Variants in UBE2O observed in about 807,000 individuals in gnomAD.
UBE2O encodes the protein (E3-independent) E2 ubiquitin-conjugating enzyme.
In UBE2O, 15 loss-of-function variants were observed where a neutral mutation model predicts 125.8. That is an observed-to-expected ratio of 0.12 (90% CI 0.08 to 0.18). The LOEUF (loss-of-function observed/expected upper bound fraction) is 0.18. Among genes scored for constraint, UBE2O ranks in the 10% least tolerant of loss-of-function variants. The probability of loss-of-function intolerance (pLI) is 1.00; values close to 1 mark genes in which losing one functional copy is unlikely to be tolerated. For synonymous variants in UBE2O, 708 were observed against 703.2 expected (o/e 1.01, Z -0.11); for missense variants, 1,280 against 1,723.6 (o/e 0.74, Z 4.56).
At chr17:76,397,059 T>C (rs2072223737) in intron 13 of UBE2O, among the ~76,000 whole-genome samples, 1 of 152,142 alleles carries the variant, frequency 6.6e-6, no homozygotes, top group South Asian at 2.1e-4. Context: ...CAGCCAGTGG[T>C]CTGTTCCAGC....
chr17:76,416,545 C>T (rs1466333004), intron 1 of UBE2O, among the ~76,000 whole-genome samples: 1 of 152,156 alleles, frequency 6.6e-6, no homozygotes, highest in African/African-American at 2.4e-5. Context: ...TGGGGCAGGG[C>T]CTGCTCTCAG....
chr17:76,399,534 T>C lies in UBE2O; in HGVS notation c.1543A>G (p.Ser515Gly). The change falls in exon 9 of 18, where the codon AGC becomes GGC. Residue 515 changes from serine (S) to glycine (G), a missense_variant. By Grantham distance (56) the Ser-to-Gly change is moderately conservative (BLOSUM62 0). Transcript: ENST00000319380. This position sits in a 1 kb window ranked among gnomAD's most constrained non-coding sequence, Gnocchi z 6.9. ...QSGSGTSRKK[S>G]IPLSIKNLKR... Reference sequence around the variant, plus strand: ...AAGTTCTTGATGGACAAGGGGATGCTCTTTTTGCGACTCGTGCCGCTGCCG... The same window carrying C: ...AAGTTCTTGATGGACAAGGGGATGCCCTTTTTGCGACTCGTGCCGCTGCCG... The C allele has an allele frequency of 1.2e-6, 2 of 1,614,218 alleles. No individual in the cohort carries two copies. The highest frequency in any genetic ancestry group is 1.1e-5 in the South Asian group (1 of 91,088).
intron 1 of UBE2O, among the ~76,000 whole-genome samples, chr17:76,414,817 A>T (rs1439800317): frequency 6.6e-6 from 1 of 152,144 alleles, no homozygotes; most frequent in Admixed American, 6.5e-5. Flanking sequence ...TGGCGGCAGG[A>T]GCTGGGAGCC....
chr17:76,452,708 GC>G lies in UBE2O; in HGVS notation c.417+16del, dbSNP rs1230482701. 2.2e-6 allele frequency: 3 copies of G among 1,374,592 alleles called. No homozygotes were observed. The highest frequency in any genetic ancestry group is 3.6e-5 in the Admixed American group (1 of 27,650). The allele number at this position is 1,374,592 out of a possible 1,614,324, so 85.1% of individuals were successfully genotyped here. On this transcript the variant is annotated intron_variant, in intron 1 of 17. Coordinates refer to ENST00000319380, the MANE Select transcript of UBE2O (RefSeq NM_022066.4). This position sits in a 1 kb window ranked among gnomAD's most constrained non-coding sequence, Gnocchi z 4.4. ...GACCCCCTGCCGCCCGCGCCGCCCA[GC>G]CCCCGCCCGCCGCACCTTGGTCTCC... is the stretch of plus-strand genomic sequence containing the variant.
In UBE2O at chr17:76,453,055, G is replaced by A. The variant is rs2073285904; in HGVS notation, c.87C>T (p.Ala29=). The stretch of plus-strand genomic sequence containing the variant: ...GCGCCGGCGCCGGGACGGGGGCTGC[G>A]GCTGGGGCCGGGACTGCCTCCGGGG... ...APAPEAVPAP[A]AAPVPAPAPA... Residue 29 remains alanine (A), a synonymous_variant, in exon 1 of 18, where the codon GCC becomes GCT. Coordinates refer to ENST00000319380, the MANE Select transcript of UBE2O (RefSeq NM_022066.4). The A allele has an allele frequency of 2.2e-6, 3 of 1,372,326 alleles. No homozygotes were observed. The highest frequency in any genetic ancestry group is 2.9e-6 in the Non-Finnish European group (3 of 1,051,480). The allele number at this position is 1,372,326 out of a possible 1,614,324, so 85.0% of individuals were successfully genotyped here. A position where few individuals can be genotyped will look rare whatever the true frequency, so the allele number is the denominator to read the frequency against.
At chr17:76,415,043 G>T (rs1199898762) in intron 1 of UBE2O, among the ~76,000 whole-genome samples, 1 of 152,170 alleles carries the variant, frequency 6.6e-6, no homozygotes, top group African/African-American at 2.4e-5. Context: ...GCCTGACTGG[G>T]TATCACTACC....
chr17:76,404,474 C>T lies in UBE2O; in HGVS notation c.588+732G>A, dbSNP rs541769973. On this transcript the variant is annotated intron_variant, in intron 3 of 17. Transcript: ENST00000319380. This position sits in a 1 kb window ranked among gnomAD's most constrained non-coding sequence, Gnocchi z 4.3. ...TGGAAGACAAAGAAAGGCTGGGAAG[C>T]GATTCCAGATTGGAGAGAAAATGAA... Among the ~76,000 whole-genome samples the T allele has an allele frequency of 3.8e-4, 58 of 152,274 alleles. No individual in the cohort carries two copies. Among genetic ancestry groups the T allele is most frequent in the Non-Finnish European group, 7.2e-4 (49 of 68,028 alleles).
chr17:76,392,400 G>A (rs1053274076), intron 15 of UBE2O, among the ~76,000 whole-genome samples: 1 of 151,970 alleles, frequency 6.6e-6, no homozygotes, highest in Non-Finnish European at 1.5e-5. Flanking sequence ...CAAGTAGCCG[G>A]GACTACAGTG....
In UBE2O at chr17:76,416,103, G is replaced by A. The variant is rs148045392; in HGVS notation, c.418-10531C>T. On this transcript the variant is annotated intron_variant, in intron 1 of 17. Coordinates refer to ENST00000319380, the MANE Select transcript of UBE2O (RefSeq NM_022066.4). The stretch of plus-strand genomic sequence containing the variant: ...TACATATGTACATACATGTATATGC[G>A]TATGTGTATACATATATACATATAT... 7.5e-3 allele frequency among the ~76,000 whole-genome samples: 1,138 copies of A among 151,260 alleles called. 17 individuals are homozygous for A. The highest frequency in any genetic ancestry group is 0.042 in the South Asian group (200 of 4,804).
rs373403612 is a variant in UBE2O, at chr17:76,424,266, T to C, written c.418-18694A>G. Among the ~76,000 whole-genome samples the C allele has an allele frequency of 2.9e-5, 4 of 136,164 alleles. No individual in the cohort carries two copies. The South Asian group carries it at 1.0e-3, about 35-fold the overall frequency. 89.3% of individuals were successfully genotyped at this position (136,164 alleles called of 152,430 possible). On this transcript the variant is annotated intron_variant, in intron 1 of 17. Coordinates refer to ENST00000319380, the MANE Select transcript of UBE2O (RefSeq NM_022066.4). ...TTTTGTTGCCCAGCCTGGAGTGCAA[T>C]GGCACAACCTAGGCTCACTGCAACC...
rs1257053587 is a variant in UBE2O, at chr17:76,412,546, C to T, written c.418-6974G>A. ...CAGGGGCTCCTAACCAGCCTCTCTC[C>T]CTCCCCTCCTGTCTCAGCTGAGGCC... is the stretch of plus-strand genomic sequence containing the variant. On this transcript the variant is annotated intron_variant, in intron 1 of 17. Transcript: ENST00000319380. Among the ~76,000 whole-genome samples the T allele has an allele frequency of 3.3e-5, 5 of 152,204 alleles. No individual in the cohort carries two copies. In the East Asian group the frequency reaches 7.7e-4, roughly 24 times the overall value.
In UBE2O at chr17:76,405,007, G is replaced by A. The variant is rs376589354; in HGVS notation, c.588+199C>T. 5.9e-5 allele frequency among the ~76,000 whole-genome samples: 9 copies of A among 152,294 alleles called. No homozygotes were observed. The highest frequency in any genetic ancestry group is 5.8e-4 in the East Asian group (3 of 5,180). On this transcript the variant is annotated intron_variant, in intron 3 of 17. Coordinates refer to ENST00000319380, the MANE Select transcript of UBE2O (RefSeq NM_022066.4). This position sits in a 1 kb window ranked among gnomAD's most constrained non-coding sequence, Gnocchi z 6.1. ...CTATGCTGGGGTTGGGGAAGGGCACGTCCTGACCTCATGTCTAAATGGCTT... is the reference window on the plus strand; with the variant it reads ...CTATGCTGGGGTTGGGGAAGGGCACATCCTGACCTCATGTCTAAATGGCTT...
At position 76,390,125 on chromosome 17, in the gene UBE2O, A is replaced by C. The variant is rs913498728; in HGVS notation, c.*818T>G. The C allele has an allele frequency of 6.6e-6, 1 of 152,578 alleles. No homozygotes were observed. Among genetic ancestry groups the C allele is most frequent in the Non-Finnish European group, 1.5e-5 (1 of 68,104 alleles). The allele number at this position is 152,578 out of a possible 1,614,324, so 9.5% of individuals were successfully genotyped here. ...GCTGCACGCCTGTCCCAGTGTGACCATGTGATGGGGGAGGGGCCCTAGCAC... is the reference window on the plus strand; with the variant it reads ...GCTGCACGCCTGTCCCAGTGTGACCCTGTGATGGGGGAGGGGCCCTAGCAC... On this transcript the variant is annotated 3_prime_UTR_variant, in exon 18 of 18. Coordinates refer to ENST00000319380, the MANE Select transcript of UBE2O (RefSeq NM_022066.4).
intron 1 of UBE2O, among the ~76,000 whole-genome samples, chr17:76,412,695 C>A (rs1332076099): frequency 6.6e-6 from 1 of 152,142 alleles, no homozygotes; most frequent in Non-Finnish European, 1.5e-5. Flanking sequence ...TGTGTTAGTG[C>A]ATATATATTT....
chr17:76,447,103 T>G (rs972735556), intron 1 of UBE2O, among the ~76,000 whole-genome samples: 1 of 152,174 alleles, frequency 6.6e-6, no homozygotes, highest in Non-Finnish European at 1.5e-5. Context: ...TTGTAGTACC[T>G]CCTATTACAC....
chr17:76,420,239 G>A (rs1207083124), intron 1 of UBE2O, among the ~76,000 whole-genome samples: 1 of 152,270 alleles, frequency 6.6e-6, no homozygotes, highest in South Asian at 2.1e-4. Flanking sequence ...ATGCAAATAT[G>A]GTAGGAAAAG....
rs990397994 is a variant in UBE2O, at chr17:76,402,448, C to T, written c.686+154G>A. On this transcript the variant is annotated intron_variant, in intron 4 of 17. Transcript: ENST00000319380. This position sits in a 1 kb window ranked among gnomAD's most constrained non-coding sequence, Gnocchi z 5.4. Reference sequence around the variant, plus strand: ...AATAGGCCACGGCAGATAAGGAGAACGGTACAGGGTTAGGCCCTGGATGCC... The same window carrying T: ...AATAGGCCACGGCAGATAAGGAGAATGGTACAGGGTTAGGCCCTGGATGCC... 7.2e-5 allele frequency among the ~76,000 whole-genome samples: 11 copies of T among 152,158 alleles called. No individual in the cohort carries two copies. Among genetic ancestry groups the T allele is most frequent in the African/African-American group, 1.9e-4 (8 of 41,422 alleles).
intron 3 of UBE2O, among the ~76,000 whole-genome samples, chr17:76,403,255 A>G (rs1017614449): frequency 2.0e-5 from 3 of 152,042 alleles, no homozygotes; most frequent in South Asian, 4.1e-4. Context: ...ATGAACTCAT[A>G]TATTTTATTT....
At chr17:76,430,978 C>A in intron 1 of UBE2O, 1 of 264,662 alleles carries the variant, frequency 3.8e-6, no homozygotes. Context: ...CTTCTTCGTG[C>A]ATAAGTTTCC....
Sources: gnomAD v4.1 joint callset for allele counts (sites outside exome capture counted in the v4.1 genomes callset) on GRCh38, gnomAD v4.1.1 for gene constraint, Gnocchi (gnomAD v3.1) non-coding constraint, MANE v1.5 for transcripts, NCBI Gene and HGNC (gene_info 2026-07-23, HGNC 2026-07-21) for gene names.